Variants in TSBP1 observed in about 807,000 individuals in gnomAD.
TSBP1 encodes testis-expressed basic protein 1.
In TSBP1, 56 loss-of-function variants were observed where a neutral mutation model predicts 68.8. That is an observed-to-expected ratio of 0.81 (90% CI 0.66 to 1.02). TSBP1 has a LOEUF of 1.02. Ranked by LOEUF, TSBP1 falls within the 50% of genes least tolerant of loss-of-function variation. TSBP1 has a pLI of 0.00. For missense variants in TSBP1, 502 were observed against 641.2 expected (o/e 0.78, Z 2.34); for synonymous variants, 171 against 208.7 (o/e 0.82, Z 1.56).
chr6:32,358,793 T>A (rs950196864), intron 6 of TSBP1, among the ~76,000 whole-genome samples: 4 of 152,136 alleles, frequency 2.6e-5, no homozygotes, highest in African/African-American at 9.7e-5. Context: ...ATGTGCCACA[T>A]TTTCTTAATC....
Position 32,336,743 on chromosome 6 carries a change from T to A in TSBP1, c.410-108A>T, listed in dbSNP as rs1208668014. 4 of 970,398 alleles carry A rather than the reference T, an allele frequency of 4.1e-6. No individual in the cohort carries two copies. In the East Asian group the frequency reaches 7.7e-5, roughly 19 times the overall value. The allele number at this position is 970,398 out of a possible 1,614,324, so 60.1% of individuals were successfully genotyped here. ...AGCAATTCAACCAGAGGAGAACAAC[T>A]ACTGTGGGACTGCAGATGATCTTAG... is the stretch of plus-strand genomic sequence containing the variant. On this transcript the variant is annotated intron_variant, in intron 11 of 22. Coordinates refer to ENST00000612031, the Ensembl canonical transcript of TSBP1. This position sits in a 1 kb window ranked among gnomAD's most constrained non-coding sequence, Gnocchi z 5.2.
Position 32,302,608 on chromosome 6 carries a change from C to G in TSBP1, c.601+1G>C, listed in dbSNP as rs1234898024. ...GTAATAAAAATATATTAGGAACTTA[C>G]TAGTGTGAACTTGAGGTATTCCTGA... On this transcript the variant is annotated splice_donor_variant, in intron 20 of 22. Coordinates refer to ENST00000612031, the Ensembl canonical transcript of TSBP1. LOFTEE classifies it high-confidence loss of function. The surrounding 1 kb of genome is among the most constrained non-coding windows in gnomAD (Gnocchi z 5.1). 6.5e-7 allele frequency: 1 copy of G among 1,542,432 alleles called. No homozygotes were observed. Among genetic ancestry groups the G allele is most frequent in the Non-Finnish European group, 8.7e-7 (1 of 1,143,884 alleles).
chr6:32,323,562 A>C (rs1408596504), intron 17 of TSBP1, 29 bp downstream of exon 18: 3 of 1,606,854 alleles, frequency 1.9e-6, no homozygotes, highest in Non-Finnish European at 2.6e-6. Flanking sequence ...ACAACAACAG[A>C]AAAGAGTAGA....
chr6:32,358,934 A>G (rs1238326621), intron 6 of TSBP1, among the ~76,000 whole-genome samples: 1 of 130,736 alleles, frequency 7.6e-6, no homozygotes, highest in Non-Finnish European at 1.7e-5. Context: ...TATTATTATT[A>G]TACTTTAAGT....
rs1454753627 is a variant in TSBP1 at position 32,292,739 on chromosome 6, G to T, written c.*242C>A. ...TAATTAAAATGTTTTACTTCAGAAA[G>T]TATCCAGTCTTTCTTGACGGAATCA... On this transcript the variant is annotated 3_prime_UTR_variant, in exon 23 of 23. Coordinates refer to ENST00000612031, the Ensembl canonical transcript of TSBP1. The surrounding 1 kb of genome is among the most constrained non-coding windows in gnomAD (Gnocchi z 4.1). The T allele has an allele frequency of 1.3e-5, 6 of 469,182 alleles. No homozygotes were observed. The highest frequency in any genetic ancestry group is 2.2e-5 in the Non-Finnish European group (6 of 270,198). The allele number at this position is 469,182 out of a possible 1,614,324, so 29.1% of individuals were successfully genotyped here. A position where few individuals can be genotyped will look rare whatever the true frequency, so the allele number is the denominator to read the frequency against.
chr6:32,363,740 TTAAC>T (rs1253744843), intron 6 of TSBP1, among the ~76,000 whole-genome samples: 2 of 152,120 alleles, frequency 1.3e-5, no homozygotes, highest in African/African-American at 4.8e-5. Context: ...ATTTTGTCTT[TTAAC>T]TTTTATATTA....
chr6:32,293,590 C>T (rs1340728928), exon 23 of TSBP1: 2 of 1,612,498 alleles, frequency 1.2e-6, no homozygotes, highest in Non-Finnish European at 1.7e-6. Flanking sequence ...CCTGTCCTTT[C>T]AGTACAACCA....
At chr6:32,330,603 T>C in exon 16 of TSBP1, 1 of 1,604,484 alleles carries the variant, frequency 6.2e-7, no homozygotes, top group Non-Finnish European at 8.5e-7. Flanking sequence ...GGATCCAGGA[T>C]ATTGTACTAA....
At chr6:32,339,077 C>T in intron 10 of TSBP1, 78 bp from the exon 12 acceptor site, 1 of 1,122,968 alleles carries the variant, frequency 8.9e-7, no homozygotes, top group Non-Finnish European at 1.4e-6. Context: ...TCAGATCAAG[C>T]ATTTACTACA....
intron 22 of TSBP1, 98 bp downstream of exon 25, chr6:32,299,824 G>A (rs954818360): frequency 2.8e-5 from 27 of 962,042 alleles, no homozygotes; most frequent in Admixed American, 5.6e-5. Context: ...ATTGGCCTTA[G>A]AAGCACAGGC....
Position 32,302,497 on chromosome 6 carries a change from A to T in TSBP1, c.601+112T>A. On this transcript the variant is annotated intron_variant, in intron 20 of 22. Transcript: ENST00000612031. This position sits in a 1 kb window ranked among gnomAD's most constrained non-coding sequence, Gnocchi z 5.1. ...AAACACCAAACAAACCAAAAAACAC[A>T]AAAACCCAGCAAACAAAAACAAACA... 1 of 804,522 alleles carries T rather than the reference A, an allele frequency of 1.2e-6. No individual in the cohort carries two copies. The highest frequency in any genetic ancestry group is 2.1e-6 in the Non-Finnish European group (1 of 475,088). 49.8% of individuals were successfully genotyped at this position (804,522 alleles called of 1,614,324 possible). A position where few individuals can be genotyped will look rare whatever the true frequency, so the allele number is the denominator to read the frequency against.
intron 14 of TSBP1, among the ~76,000 whole-genome samples, chr6:32,334,497 T>A (rs540699815): frequency 6.6e-6 from 1 of 152,312 alleles, no homozygotes; most frequent in East Asian, 1.9e-4. Context: ...AACTAACCCA[T>A]CCTCTTATTT....
At chr6:32,358,971 G>A (rs564206673) in intron 6 of TSBP1, among the ~76,000 whole-genome samples, 1 of 149,306 alleles carries the variant, frequency 6.7e-6, no homozygotes, top group Non-Finnish European at 1.5e-5. Flanking sequence ...ACAATGTGCA[G>A]GTTAGTTACA....
chr6:32,331,363 C>A (rs1768997923), intron 15 of TSBP1, among the ~76,000 whole-genome samples: 1 of 152,154 alleles, frequency 6.6e-6, no homozygotes, highest in Non-Finnish European at 1.5e-5. Context: ...ATTATTAGAA[C>A]AATGCCTATC....
At chr6:32,331,815 G>A (rs1003879) in intron 15 of TSBP1, among the ~76,000 whole-genome samples, 62,717 of 151,992 alleles carry the variant, frequency 0.41, 13,560 homozygotes, top group African/African-American at 0.51. Context: ...TATGCTGGAC[G>A]TAAAGCCTAC....
In TSBP1 at chr6:32,355,155, C is replaced by A. The variant is rs371363119; in HGVS notation, c.239-11G>T. ...AGTTGGTTGATGGTGCTAAAATACA[C>A]ACACAGAAAACATGAGGTGAATCAT... On this transcript the variant is annotated splice_polypyrimidine_tract_variant and intron_variant, in intron 7 of 22. Coordinates refer to ENST00000612031, the Ensembl canonical transcript of TSBP1. 35 of 1,611,754 alleles carry A rather than the reference C, an allele frequency of 2.2e-5. No homozygotes were observed. Among genetic ancestry groups the A allele is most frequent in the Admixed American group, 2.0e-4 (12 of 59,958 alleles).
At chr6:32,296,011 A>G (rs1176242459) in intron 22 of TSBP1, among the ~76,000 whole-genome samples, 1 of 151,868 alleles carries the variant, frequency 6.6e-6, no homozygotes, top group Non-Finnish European at 1.5e-5. Flanking sequence ...CACCCGGCTA[A>G]TTTTGTATTT....
At position 32,367,919 on chromosome 6, in the gene TSBP1, A is replaced by G. The variant is rs776681352; in HGVS notation, c.166+6T>C. 1.2e-6 allele frequency: 2 copies of G among 1,605,634 alleles called. No individual in the cohort carries two copies. The highest frequency in any genetic ancestry group is 2.2e-5 in the East Asian group (1 of 44,770). On this transcript the variant is annotated splice_donor_region_variant and intron_variant, in intron 4 of 22. Coordinates refer to ENST00000612031, the Ensembl canonical transcript of TSBP1. ...TTAACTGTCTAGTAGTTCCTAATCT[A>G]TTTACCTCTACCATCCTCATAGTCC...
intron 1 of TSBP1, among the ~76,000 whole-genome samples, chr6:32,370,433 A>G (rs1481381515): frequency 3.2e-5 from 4 of 123,354 alleles, no homozygotes; most frequent in East Asian, 2.9e-4. Context: ...ATATATATAT[A>G]TATATATATA....
Sources: allele counts gnomAD v4.1 joint callset (sites outside exome capture counted in the v4.1 genomes callset), GRCh38; gene constraint gnomAD v4.1.1; non-coding constraint Gnocchi (gnomAD v3.1); transcripts MANE v1.5; gene names NCBI Gene and HGNC (gene_info 2026-07-23, HGNC 2026-07-21).